CDH7: variants seen among roughly 807,000 people sequenced by gnomAD.
CDH7 encodes cadherin-7.
Under a neutral mutation model 71.8 loss-of-function variants are expected in CDH7, and 25 were observed. The ratio of observed to expected loss-of-function variants is 0.35; its 90% confidence interval spans 0.25 to 0.49. The LOEUF (loss-of-function observed/expected upper bound fraction) is 0.49, where lower values mean the gene tolerates loss of function less well. Among genes scored for constraint, CDH7 ranks in the 20% least tolerant of loss-of-function variants. The pLI, the probability that CDH7 is intolerant of heterozygous loss-of-function variation, is 0.99. For missense variants in CDH7, 862 were observed against 974.6 expected, an observed-to-expected ratio of 0.88 and a Z score of 1.54; for synonymous variants, 381 against 363.8, an observed-to-expected ratio of 1.05 and a Z score of -0.54.
chr18:65,827,523 T>A (rs1025158836), intron 6 of CDH7, among the ~76,000 whole-genome samples: 1 of 151,936 alleles, frequency 6.6e-6, no homozygotes, highest in Non-Finnish European at 1.5e-5. Context: ...ACAGTTCAGA[T>A]GTTGAATGCT....
chr18:65,804,551 AG>A (rs1568194335), intron 2 of CDH7, among the ~76,000 whole-genome samples: 1 of 152,178 alleles, frequency 6.6e-6, no homozygotes, highest in Non-Finnish European at 1.5e-5. Context: ...AGATGTAAAA[AG>A]ATCACCAGAA....
chr18:65,851,339 T>A (rs996433194), intron 7 of CDH7, among the ~76,000 whole-genome samples: 1 of 152,216 alleles, frequency 6.6e-6, no homozygotes, highest in Admixed American at 6.5e-5. Context: ...ATTATTCATC[T>A]ATTTCAATTG....
chr18:65,793,189 C>T (rs972704192), intron 2 of CDH7, among the ~76,000 whole-genome samples: 2 of 152,210 alleles, frequency 1.3e-5, no homozygotes, highest in African/African-American at 4.8e-5. Flanking sequence ...CCTGTAATCT[C>T]AGCACTTTGG....
At chr18:65,816,427 C>T (rs1911726851) in intron 4 of CDH7, among the ~76,000 whole-genome samples, 1 of 152,024 alleles carries the variant, frequency 6.6e-6, no homozygotes. Context: ...GTCTTCCTTT[C>T]CTGATGTCTG....
chr18:65,786,788 A>G (rs939820927), intron 2 of CDH7, among the ~76,000 whole-genome samples: 3 of 152,088 alleles, frequency 2.0e-5, no homozygotes, highest in African/African-American at 7.2e-5. Context: ...GTCTCAAACA[A>G]TCATCCCACC....
chr18:65,831,938 C>T (rs1912365313), intron 6 of CDH7, among the ~76,000 whole-genome samples: 1 of 152,054 alleles, frequency 6.6e-6, no homozygotes, highest in South Asian at 2.1e-4. Flanking sequence ...GTCTCCCAGT[C>T]CCTTCTCCGC....
rs1913462560 is a variant in CDH7, at chr18:65,858,938, A to T, written c.1386A>T (p.Gln462His). ...VLAMESQNPS[Q>H]VGRGYVAITI... ...CTTATTTATTAGAGAATCCATCTCA[A>T]GTAGGAAGAGGCTATGTGGCCATCA... The change falls in exon 9 of 12, where the codon CAA becomes CAT. Residue 462 changes from glutamine (Q) to histidine (H), a missense_variant. Gln to His is a conservative substitution (Grantham distance 24, BLOSUM62 0). Coordinates refer to ENST00000397968, the MANE Select transcript of CDH7 (RefSeq NM_004361.5). 2 of 1,612,282 alleles carry T rather than the reference A, an allele frequency of 1.2e-6. No individual in the cohort carries two copies. The highest frequency in any genetic ancestry group is 1.7e-6 in the Non-Finnish European group (2 of 1,178,460).
At position 65,763,097 on chromosome 18, in the gene CDH7, T is replaced by C. The variant is rs1394777563; in HGVS notation, c.210+45T>C. On this transcript the variant is annotated intron_variant, in intron 2 of 11. Transcript: ENST00000397968. ...CAAAGTTGTAAATGATTATTGTCCA[T>C]GTCTATGGTTTGATGAAAAACTGCT... 2.9e-6 allele frequency: 4 copies of C among 1,358,820 alleles called. No homozygotes were observed. In the Admixed American group the frequency reaches 6.3e-5, roughly 21 times the overall value. 84.2% of individuals were successfully genotyped at this position (1,358,820 alleles called of 1,614,324 possible).
intron 2 of CDH7, among the ~76,000 whole-genome samples, chr18:65,784,348 A>G (rs1458487499): frequency 1.3e-5 from 2 of 152,104 alleles, no homozygotes; most frequent in African/African-American, 2.4e-5. Flanking sequence ...ACACCTGGGG[A>G]AAGTGAATTT....
intron 6 of CDH7, among the ~76,000 whole-genome samples, chr18:65,832,611 C>A (rs1912390599): frequency 6.6e-6 from 1 of 152,052 alleles, no homozygotes; most frequent in African/African-American, 2.4e-5. Context: ...TAAAGCAATG[C>A]AAATGCTATT....
intron 2 of CDH7, among the ~76,000 whole-genome samples, chr18:65,778,083 C>G (rs563663670): frequency 6.6e-5 from 10 of 151,894 alleles, no homozygotes; most frequent in Admixed American, 3.3e-4. Context: ...ACCAGCCTGG[C>G]CAATATGGTG....
chr18:65,807,539 A>C (rs947693637), intron 2 of CDH7, among the ~76,000 whole-genome samples: 13 of 152,182 alleles, frequency 8.5e-5, no homozygotes, highest in African/African-American at 3.1e-4. Context: ...ATGTTCTTCT[A>C]ACATTGCACA....
At chr18:65,850,173 A>ATATATATATATATATATATAT (rs145348057) in intron 7 of CDH7, among the ~76,000 whole-genome samples, 42 of 65,292 alleles carry the variant, frequency 6.4e-4, no homozygotes, top group African/African-American at 2.6e-3. Context: ...CACTATATAT[A>ATATATATATATATATATATAT]ATATATATAT....
At chr18:65,759,180 C>G (rs1916114985) in intron 1 of CDH7, among the ~76,000 whole-genome samples, 3 of 151,526 alleles carry the variant, frequency 2.0e-5, no homozygotes, top group Admixed American at 2.0e-4. Context: ...ATTTTATAAG[C>G]AAGTCAAATG....
intron 8 of CDH7, 89 bp downstream of exon 8, chr18:65,858,041 A>G (rs1913428469): frequency 1.6e-6 from 2 of 1,276,948 alleles, no homozygotes; most frequent in African/African-American, 3.0e-5. Context: ...AGTTAATTAA[A>G]GTAGTTCCTT....
At chr18:65,859,968 T>C in intron 10 of CDH7, 143 bp downstream of exon 10, 1 of 566,530 alleles carries the variant, frequency 1.8e-6, no homozygotes, top group Non-Finnish European at 3.1e-6. Flanking sequence ...AAGTAATTTT[T>C]ATCTATGGAT....
chr18:65,833,556 T>G (rs1912427509), intron 6 of CDH7, among the ~76,000 whole-genome samples: 1 of 152,162 alleles, frequency 6.6e-6, no homozygotes, highest in African/African-American at 2.4e-5. Flanking sequence ...CCGAGATAAT[T>G]TGGTGAGCTT....
rs1223384409 is a variant in CDH7, at chr18:65,782,079, TTTCC to T, written c.210+19055_210+19058del. 7.8e-3 allele frequency among the ~76,000 whole-genome samples: 338 copies of T among 43,112 alleles called. 29 individuals are homozygous for T. Among genetic ancestry groups the T allele is most frequent in the East Asian group, 0.01 (21 of 2,038 alleles). 28.3% of individuals were successfully genotyped at this position (43,112 alleles called of 152,430 possible). A position where few individuals can be genotyped will look rare whatever the true frequency, so the allele number is the denominator to read the frequency against. On this transcript the variant is annotated intron_variant, in intron 2 of 11. Transcript: ENST00000397968. The stretch of plus-strand genomic sequence containing the variant: ...CTTCCTTCCTTTCTTTCTTTCTTTC[TTTCC>T]TTCCTTCCTTCCTTCCTTCCTTCCT...
chr18:65,815,867 A>C (rs2170936), intron 4 of CDH7, among the ~76,000 whole-genome samples: 1 of 152,094 alleles, frequency 6.6e-6, no homozygotes, highest in Non-Finnish European at 1.5e-5. Context: ...TTCTATGCCT[A>C]CTCTTGGCAA....
Sources: allele counts gnomAD v4.1 joint callset (sites outside exome capture counted in the v4.1 genomes callset), GRCh38; gene constraint gnomAD v4.1.1; transcripts MANE v1.5; gene names NCBI Gene and HGNC (gene_info 2026-07-23, HGNC 2026-07-21).